The following PUS7 variants were observed in gnomAD, a reference collection of about 807,000 sequenced individuals.
PUS7 encodes the protein pseudouridine synthase 7, also known as pseudouridylate synthase 7 homolog.
PUS7 carries 48 observed loss-of-function variants against 79.8 expected under a neutral mutation model. That is an observed-to-expected ratio of 0.60 (90% CI 0.48 to 0.76). The LOEUF is 0.76. Among genes scored for constraint, PUS7 ranks in the 30% least tolerant of loss-of-function variants. The pLI is 0.00. For missense variants in PUS7, 729 were observed against 797.6 expected (o/e 0.91, Z 1.04); for synonymous variants, 286 against 272.2 (o/e 1.05, Z -0.50).
rs78430794 is a variant in PUS7 at position 105,488,485 on chromosome 7, C to A, written c.920+3055G>T. Among the ~76,000 whole-genome samples the A allele has an allele frequency of 2.7e-3, 414 of 152,250 alleles. 2 individuals are homozygous for A. Among genetic ancestry groups the A allele is most frequent in the Non-Finnish European group, 4.5e-3 (308 of 68,018 alleles). ...ACAAACCACATTAAAATGTCATATT[C>A]CCTTTAAGTCAGTAATTTCACTGCT... On this transcript the variant is annotated intron_variant, in intron 7 of 15. Transcript: ENST00000469408.
intron 1 of PUS7, among the ~76,000 whole-genome samples, chr7:105,514,795 CATT>C (rs1363152661): frequency 6.2e-5 from 7 of 112,614 alleles, no homozygotes; most frequent in African/African-American, 1.9e-4. Flanking sequence ...AATTCTCTCT[CATT>C]TTTTTTTTTT....
At chr7:105,505,883 T>C in intron 4 of PUS7, 72 bp downstream of exon 4, 2 of 1,206,662 alleles carry the variant, frequency 1.7e-6, no homozygotes, top group Non-Finnish European at 2.4e-6. Flanking sequence ...ATTTTTTCCA[T>C]AAACACTTAA....
In PUS7 at chr7:105,465,442, T is replaced by G. The variant is rs766453033; in HGVS notation, c.1526-28A>C. ...GTAAATTCACAAGTGAACAATAAATTAAGAAAATAGGCAATATTGTTATGA... is the reference window on the plus strand; with the variant it reads ...GTAAATTCACAAGTGAACAATAAATGAAGAAAATAGGCAATATTGTTATGA... On this transcript the variant is annotated intron_variant, in intron 12 of 15. Coordinates refer to ENST00000469408, the MANE Select transcript of PUS7 (RefSeq NM_019042.5). 3.4e-6 allele frequency: 5 copies of G among 1,482,988 alleles called. No individual in the cohort carries two copies. In the Admixed American group the frequency reaches 6.8e-5, roughly 20 times the overall value. 91.9% of individuals were successfully genotyped at this position (1,482,988 alleles called of 1,614,324 possible). A position where few individuals can be genotyped will look rare whatever the true frequency, so the allele number is the denominator to read the frequency against.
intron 5 of PUS7, among the ~76,000 whole-genome samples, chr7:105,501,629 T>A (rs1461741924): frequency 6.6e-6 from 1 of 152,070 alleles, no homozygotes; most frequent in Non-Finnish European, 1.5e-5. Flanking sequence ...TCTTTCAATA[T>A]AGGGGCCTGG....
At chr7:105,460,811 G>A (rs374659068) in intron 14 of PUS7, among the ~76,000 whole-genome samples, 11 of 121,526 alleles carry the variant, frequency 9.1e-5, no homozygotes, top group Admixed American at 2.2e-4. Flanking sequence ...CCGAGATCGC[G>A]CCACTGCACT....
chr7:105,491,764 G>A (rs563431416), intron 6 of PUS7, 147 bp from the exon 7 acceptor site: 65 of 600,676 alleles, frequency 1.1e-4, no homozygotes, highest in Admixed American at 5.0e-4. Context: ...ATTTTAACAT[G>A]AATCCAGGGA....
intron 1 of PUS7, among the ~76,000 whole-genome samples, chr7:105,521,431 C>T (rs915751181): frequency 2.0e-5 from 3 of 152,226 alleles, no homozygotes; most frequent in Admixed American, 1.3e-4. Context: ...TCCATCCACT[C>T]GTTAAGCATT....
intron 1 of PUS7, among the ~76,000 whole-genome samples, chr7:105,511,941 C>T (rs1189226315): frequency 1.3e-5 from 2 of 151,794 alleles, no homozygotes; most frequent in East Asian, 1.9e-4. Context: ...GTCAGGAGTT[C>T]GAGACCAGCC....
intron 1 of PUS7, among the ~76,000 whole-genome samples, chr7:105,518,880 T>C (rs191302492): frequency 0.015 from 2,220 of 152,080 alleles, 31 homozygotes; most frequent in African/African-American, 0.042. Flanking sequence ...GAGATTCTCC[T>C]GCCTCAGCCT....
chr7:105,456,741 C>G lies in PUS7; in HGVS notation c.*1049G>C, dbSNP rs1823204007. On this transcript the variant is annotated 3_prime_UTR_variant, in exon 16 of 16. Transcript: ENST00000469408. Reference sequence around the variant, plus strand: ...GTAAACGCTACTGATAGAAGAAAGCCTTGTCCATTTTTATAGTTTTCTTCT... The same window carrying G: ...GTAAACGCTACTGATAGAAGAAAGCGTTGTCCATTTTTATAGTTTTCTTCT... 6.6e-6 allele frequency: 1 copy of G among 152,144 alleles called. No individual in the cohort carries two copies. The highest frequency in any genetic ancestry group is 1.5e-5 in the Non-Finnish European group (1 of 68,032). 9.4% of individuals were successfully genotyped at this position (152,144 alleles called of 1,614,324 possible).
At chr7:105,515,727 A>C (rs1405493143) in intron 1 of PUS7, among the ~76,000 whole-genome samples, 1 of 152,028 alleles carries the variant, frequency 6.6e-6, no homozygotes, top group Non-Finnish European at 1.5e-5. Context: ...TCCTGAGTTC[A>C]AGCAATTCTC....
intron 6 of PUS7, among the ~76,000 whole-genome samples, chr7:105,493,449 GCA>G: frequency 6.6e-6 from 1 of 152,290 alleles, no homozygotes; most frequent in Non-Finnish European, 1.5e-5. Context: ...AGGCATAGTA[GCA>G]CAGACTCTCT....
chr7:105,471,861 G>C (rs977309713), intron 10 of PUS7, among the ~76,000 whole-genome samples: 2 of 147,614 alleles, frequency 1.4e-5, no homozygotes, highest in African/African-American at 5.0e-5. Flanking sequence ...GCAGTGAACT[G>C]AGATCATGCC....
At chr7:105,488,616 T>A (rs1268025766) in intron 7 of PUS7, among the ~76,000 whole-genome samples, 1 of 152,164 alleles carries the variant, frequency 6.6e-6, no homozygotes, top group African/African-American at 2.4e-5. Context: ...CAATGTAACA[T>A]TCAAAAATAG....
At chr7:105,484,251 G>A (rs1028754149) in intron 7 of PUS7, among the ~76,000 whole-genome samples, 2 of 152,068 alleles carry the variant, frequency 1.3e-5, no homozygotes, top group East Asian at 3.9e-4. Context: ...CATGATTGTT[G>A]GCTGAATTGA....
At chr7:105,462,389 G>A in intron 14 of PUS7, 1 of 441,060 alleles carries the variant, frequency 2.3e-6, no homozygotes, top group East Asian at 4.6e-5. Context: ...CCGAGATCAT[G>A]CTATTGTGCT....
chr7:105,466,760 T>TA (rs984452546), intron 12 of PUS7, among the ~76,000 whole-genome samples: 114 of 142,622 alleles, frequency 8.0e-4, no homozygotes, highest in Admixed American at 7.7e-4. Flanking sequence ...AAAAAAAAGT[T>TA]AAAAAAAAAA....
chr7:105,510,900 T>C (rs4730091), intron 1 of PUS7, among the ~76,000 whole-genome samples: 146,153 of 152,270 alleles, frequency 0.96, 70,172 homozygotes, highest in African/African-American at 0.98. Flanking sequence ...TACTGATGAA[T>C]GTAGTAAACA....
At chr7:105,469,836 G>T (rs1823803014) in intron 11 of PUS7, among the ~76,000 whole-genome samples, 1 of 151,930 alleles carries the variant, frequency 6.6e-6, no homozygotes, top group South Asian at 2.1e-4. Flanking sequence ...CAAGTGATCT[G>T]CCCACCTTGG....
Sources: allele counts gnomAD v4.1 joint callset (sites outside exome capture counted in the v4.1 genomes callset), GRCh38; gene constraint gnomAD v4.1.1; transcripts MANE v1.5; gene names NCBI Gene and HGNC (gene_info 2026-07-23, HGNC 2026-07-21).